The following TPO variants were observed in gnomAD, a reference collection of about 807,000 sequenced individuals.
TPO encodes thyroid peroxidase, also known as thyroid microsomal antigen.
In TPO, 78 loss-of-function variants were observed where a neutral mutation model predicts 96.9. The observed-to-expected ratio is 0.81, with a 90% CI of 0.67 to 0.97. The LOEUF (loss-of-function observed/expected upper bound fraction) is 0.97, where lower values mean the gene tolerates loss of function less well. Ranked by LOEUF, TPO falls within the 50% of genes least tolerant of loss-of-function variation. The probability of loss-of-function intolerance (pLI) is 0.00; values close to 1 mark genes in which losing one functional copy is unlikely to be tolerated. For synonymous variants in TPO, 547 were observed against 538.0 expected, an observed-to-expected ratio of 1.02 and a Z score of -0.23; for missense variants, 1,252 against 1,274.8, an observed-to-expected ratio of 0.98 and a Z score of 0.27.
At chr2:1,429,224 T>G (rs1473981909) in intron 3 of TPO, among the ~76,000 whole-genome samples, 1 of 152,112 alleles carries the variant, frequency 6.6e-6, no homozygotes, top group African/African-American at 2.4e-5. Flanking sequence ...ACTCTCCTGC[T>G]CCTGCTCTTA....
intron 8 of TPO, 46 bp downstream of exon 8, chr2:1,477,650 G>A (rs1199395468): frequency 9.7e-6 from 14 of 1,441,874 alleles, no homozygotes; most frequent in Non-Finnish European, 1.3e-5. Context: ...CGGGCAAAGC[G>A]GGGGGCGCCT....
Position 1,477,353 on chromosome 2 carries a change from T to C in TPO, c.1087T>C (p.Tyr363His). 6.5e-7 allele frequency: 1 copy of C among 1,544,918 alleles called. No individual in the cohort carries two copies. The highest frequency in any genetic ancestry group is 1.2e-5 in the South Asian group (1 of 84,250). ...HARLRDSGRA[Y>H]LPFVPPRAPA... is the part of the protein sequence containing the mutation. ...GCGCCTCCGGGACTCCGGCCGCGCC[T>C]ACCTGCCCTTCGTGCCGCCACGCGC... Residue 363 changes from tyrosine to histidine, a missense_variant, in exon 8 of 17, where the codon TAC (tyrosine) becomes CAC (histidine). Coordinates refer to ENST00000329066, the MANE Select transcript of TPO (RefSeq NM_001206744.2).
chr2:1,496,750 C>G lies in TPO; in HGVS notation c.2371C>G (p.Pro791Ala), dbSNP rs113070603. The G allele has an allele frequency of 6.2e-7, 1 of 1,614,156 alleles. No individual in the cohort carries two copies. ...CACCCAGGAAGGATGGGATTTCCAGCCTCCCCTCTGCAAAGGTCAGTCCTT... is the reference window on the plus strand; with the variant it reads ...CACCCAGGAAGGATGGGATTTCCAGGCTCCCCTCTGCAAAGGTCAGTCCTT... ...TCTQEGWDFQ[P>A]PLCKDVNECA... Residue 791 changes from proline to alanine, a missense_variant, in exon 13 of 17, where the codon CCT (proline) becomes GCT (alanine). By Grantham distance (27) the Pro-to-Ala change is conservative. Transcript: ENST00000329066.
In TPO at chr2:1,527,790, A is replaced by C. The variant is rs181112125; in HGVS notation, c.2618+10808A>C. Among the ~76,000 whole-genome samples the C allele has an allele frequency of 5.5e-4, 43 of 78,588 alleles. 1 individual carries two copies. The highest frequency in any genetic ancestry group is 1.9e-3 in the African/African-American group (38 of 20,172). 51.6% of individuals were successfully genotyped at this position (78,588 alleles called of 152,430 possible). ...TCCCCCCCACTCTGTGCAACCTCCC[A>C]AAATCCCACACACTGTATGCAACCT... is the stretch of plus-strand genomic sequence containing the variant. On this transcript the variant is annotated intron_variant, in intron 15 of 16. Transcript: ENST00000329066.
chr2:1,485,254 C>T (rs934559493), intron 9 of TPO, among the ~76,000 whole-genome samples: 1 of 152,192 alleles, frequency 6.6e-6, no homozygotes, highest in African/African-American at 2.4e-5. Flanking sequence ...TTTATGGCTG[C>T]ATAGTATTCC....
chr2:1,510,401 C>T (rs1673979270), intron 14 of TPO, among the ~76,000 whole-genome samples: 1 of 152,156 alleles, frequency 6.6e-6, no homozygotes, highest in Non-Finnish European at 1.5e-5. Flanking sequence ...TAATATCTAA[C>T]CCTGTCAGAT....
intron 6 of TPO, among the ~76,000 whole-genome samples, chr2:1,455,789 T>C (rs1430358018): frequency 6.6e-6 from 1 of 152,148 alleles, no homozygotes; most frequent in East Asian, 1.9e-4. Flanking sequence ...ACAACAACAC[T>C]GAAAGCTCAA....
intron 15 of TPO, among the ~76,000 whole-genome samples, chr2:1,533,437 C>T (rs1431893982): frequency 8.5e-6 from 1 of 117,460 alleles, no homozygotes; most frequent in Non-Finnish European, 1.8e-5. Context: ...GTGCAACCTC[C>T]CGAAATCGCC....
intron 5 of TPO, among the ~76,000 whole-genome samples, chr2:1,446,450 CCCTCACCAATCCCCGTCA>C (rs1245980730): frequency 6.6e-6 from 1 of 152,172 alleles, no homozygotes; most frequent in East Asian, 1.9e-4. Flanking sequence ...AGCCCCACAG[CCCTCACCAATCCCCGTCA>C]CTGTGATCCC....
intron 14 of TPO, among the ~76,000 whole-genome samples, chr2:1,513,815 G>A (rs1012439456): frequency 2.0e-5 from 3 of 152,046 alleles, no homozygotes; most frequent in Non-Finnish European, 2.9e-5. Context: ...CTGATTGTGG[G>A]TATATATAGT....
At chr2:1,480,213 T>C (rs1365643550) in intron 8 of TPO, among the ~76,000 whole-genome samples, 1 of 152,248 alleles carries the variant, frequency 6.6e-6, no homozygotes, top group Non-Finnish European at 1.5e-5. Flanking sequence ...AACATTCTTT[T>C]CTTCTTGGTT....
Position 1,456,085 on chromosome 2 carries a change from G to A in TPO, c.622G>A (p.Val208Met). Residue 208 changes from valine (V) to methionine (M), a missense_variant, in exon 7 of 17, where the codon GTG (valine) becomes ATG (methionine). Val to Met is a conservative substitution (Grantham distance 21). Coordinates refer to ENST00000329066, the MANE Select transcript of TPO (RefSeq NM_001206744.2). ...NGFPLPPVRE[V>M]TRHVIQVSNE... ...GTCTCTTCCTACCCAGGTCCGGGAG[G>A]TGACAAGACATGTCATTCAAGTTTC... The A allele has an allele frequency of 6.2e-7, 1 of 1,613,876 alleles. No homozygotes were observed. The highest frequency in any genetic ancestry group is 8.5e-7 in the Non-Finnish European group (1 of 1,179,992).
At chr2:1,388,000 C>T (rs1370745439) in intron 1 of TPO, among the ~76,000 whole-genome samples, 2 of 152,200 alleles carry the variant, frequency 1.3e-5, no homozygotes, top group Admixed American at 6.5e-5. Flanking sequence ...GCCTGGGTAT[C>T]AGCAGCAGAG....
At chr2:1,396,693 C>T (rs531823040) in intron 1 of TPO, among the ~76,000 whole-genome samples, 1 of 152,238 alleles carries the variant, frequency 6.6e-6, no homozygotes, top group Admixed American at 6.5e-5. Context: ...CCTTTGCCAT[C>T]AGGTAGGGAG....
chr2:1,521,228 C>A (rs1196910957), intron 15 of TPO, among the ~76,000 whole-genome samples: 2 of 152,206 alleles, frequency 1.3e-5, no homozygotes, highest in Non-Finnish European at 2.9e-5. Context: ...TAGGATGCAG[C>A]CAGGTTTGTC....
intron 5 of TPO, among the ~76,000 whole-genome samples, chr2:1,448,242 G>T (rs564756039): frequency 7.9e-5 from 12 of 152,312 alleles, no homozygotes; most frequent in African/African-American, 2.6e-4. Context: ...CTCCGGCCTC[G>T]CGTGGGAGCC....
chr2:1,489,358 C>T (rs1052939460), intron 10 of TPO, among the ~76,000 whole-genome samples: 1 of 152,192 alleles, frequency 6.6e-6, no homozygotes, highest in African/African-American at 2.4e-5. Context: ...CCCTTTGCTG[C>T]TGGCCCTGCT....
chr2:1,412,305 G>T (rs1173858360), upstream of TPO, among the ~76,000 whole-genome samples: 1 of 152,152 alleles, frequency 6.6e-6, no homozygotes, highest in Non-Finnish European at 1.5e-5. Context: ...CTTTTCTTCT[G>T]TTCCCAACAG....
At chr2:1,438,040 G>A (rs1665763746) in intron 5 of TPO, among the ~76,000 whole-genome samples, 1 of 152,088 alleles carries the variant, frequency 6.6e-6, no homozygotes, top group Admixed American at 6.6e-5. Flanking sequence ...GGGCTGGAGG[G>A]CCTGGGTGGA....
Sources: gnomAD v4.1 joint callset for allele counts (sites outside exome capture counted in the v4.1 genomes callset) on GRCh38, gnomAD v4.1.1 for gene constraint, MANE v1.5 for transcripts, NCBI Gene and HGNC (gene_info 2026-07-23, HGNC 2026-07-21) for gene names.